Variants in TNK2 observed in about 807,000 individuals in gnomAD.
TNK2 encodes activated CDC42 kinase 1.
In TNK2, 83 loss-of-function variants were observed where a neutral mutation model predicts 101.8. The observed-to-expected ratio is 0.82, with a 90% CI of 0.68 to 0.98. The LOEUF (loss-of-function observed/expected upper bound fraction) is 0.98, where lower values mean the gene tolerates loss of function less well. Ranked by LOEUF, TNK2 falls within the 50% of genes least tolerant of loss-of-function variation. The probability of loss-of-function intolerance (pLI) is 0.00; values close to 1 mark genes in which losing one functional copy is unlikely to be tolerated. For missense variants in TNK2, 1,665 were observed against 1,483.2 expected (o/e 1.12, Z -2.01); for synonymous variants, 804 against 633.0 (o/e 1.27, Z -4.06).
At chr3:195,904,262 TAA>T (rs35186478) in intron 1 of TNK2, among the ~76,000 whole-genome samples, 104 of 125,146 alleles carry the variant, frequency 8.3e-4, no homozygotes, top group Middle Eastern at 4.1e-3. Context: ...ACCTTGTCTT[TAA>T]AAAAAAAAAA....
chr3:195,880,387 AC>A lies in TNK2; in HGVS notation c.888-1213del, dbSNP rs200417022. ...CCCACAGAAATGCCCCTTGGAGAGG[AC>A]ACAGCATCTATCCCTGTAACACCCC... On this transcript the variant is annotated intron_variant, in intron 6 of 15. Coordinates refer to ENST00000672887, the MANE Select transcript of TNK2 (RefSeq NM_001382273.1). Among the ~76,000 whole-genome samples, 1,048 of 137,652 alleles carry A rather than the reference AC, an allele frequency of 7.6e-3. 1 individual carries two copies. The highest frequency in any genetic ancestry group is 0.012 in the Non-Finnish European group (724 of 61,588). The allele number at this position is 137,652 out of a possible 152,430, so 90.3% of individuals were successfully genotyped here.
Position 195,884,831 on chromosome 3 carries a change from T to G in TNK2, c.437A>C (p.Asp146Ala), listed in dbSNP as rs772523917. Residue 146 changes from aspartate (D) to alanine (A), a missense_variant, in exon 4 of 16, where the codon GAC becomes GCC. Physicochemically the swap from Asp to Ala is moderately radical, Grantham distance 126 (BLOSUM62 -2). Coordinates refer to ENST00000672887, the MANE Select transcript of TNK2 (RefSeq NM_001382273.1). ...SFGVVRRGEW[D>A]APSGKTVSVA... Reference sequence around the variant, plus strand: ...GCTCACCGTCTTCCCTGAGGGCGCGTCCCACTCGCCCCTGCGCACCACGCC... The same window carrying G: ...GCTCACCGTCTTCCCTGAGGGCGCGGCCCACTCGCCCCTGCGCACCACGCC... 6.2e-7 allele frequency: 1 copy of G among 1,611,956 alleles called. No homozygotes were observed. The highest frequency in any genetic ancestry group is 1.1e-5 in the South Asian group (1 of 90,894).
chr3:195,888,311 C>A lies in TNK2; in HGVS notation c.163+115G>T. ...TCAGCACCTACTGATGTCCCTCCTG[C>A]TCCCTCAGGGCTCTGGGACAGAGTT... On this transcript the variant is annotated intron_variant, in intron 2 of 15. Coordinates refer to ENST00000672887, the MANE Select transcript of TNK2 (RefSeq NM_001382273.1). The surrounding 1 kb of genome is among the most constrained non-coding windows in gnomAD (Gnocchi z 5.3). 1 of 1,135,522 alleles carries A rather than the reference C, an allele frequency of 8.8e-7. No individual in the cohort carries two copies. Among genetic ancestry groups the A allele is most frequent in the South Asian group, 1.5e-5 (1 of 68,354 alleles). The allele number at this position is 1,135,522 out of a possible 1,614,324, so 70.3% of individuals were successfully genotyped here. A position where few individuals can be genotyped will look rare whatever the true frequency, so the allele number is the denominator to read the frequency against.
rs1274277715 is a variant in TNK2 at position 195,864,081 on chromosome 3, C to T, written c.*100G>A. 1.5e-5 allele frequency: 23 copies of T among 1,526,226 alleles called. No individual in the cohort carries two copies. Among genetic ancestry groups the T allele is most frequent in the African/African-American group, 1.4e-4 (10 of 72,840 alleles). 94.5% of individuals were successfully genotyped at this position (1,526,226 alleles called of 1,614,324 possible). ...CCATCCCCGGGAGCAGCAGGAGCAG[C>T]GGGTCCTCCAGGACTGGATGGGGGC... On this transcript the variant is annotated 3_prime_UTR_variant, in exon 16 of 16. Transcript: ENST00000672887.
At chr3:195,907,767 C>A (rs1371082715) in intron 1 of TNK2, among the ~76,000 whole-genome samples, 1 of 152,224 alleles carries the variant, frequency 6.6e-6, no homozygotes, top group Non-Finnish European at 1.5e-5. Flanking sequence ...AGCGGCCCAT[C>A]TGCAAACCTC....
rs749219777 is a variant in TNK2 at position 195,868,257 on chromosome 3, C to T, written c.2041G>A (p.Gly681Ser). 13 of 1,604,662 alleles carry T rather than the reference C, an allele frequency of 8.1e-6. No individual in the cohort carries two copies. The Admixed American group carries it at 2.2e-4, about 27-fold the overall frequency. The change falls in exon 13 of 16, where the codon GGC becomes AGC. Residue 681 changes from glycine to serine, a missense_variant. Coordinates refer to ENST00000672887, the MANE Select transcript of TNK2 (RefSeq NM_001382273.1). The part of the protein sequence containing the change: ...GAGVPAGPSQ[G>S]QTNYAFVPEQ... ...GGCACAAAGGCGTAGTTGGTCTGGC[C>T]CTGGCTGGGCCCGGCAGGGACCCCC...
At chr3:195,873,621 C>G (rs949605506) in intron 9 of TNK2, among the ~76,000 whole-genome samples, 2 of 152,216 alleles carry the variant, frequency 1.3e-5, no homozygotes, top group African/African-American at 4.8e-5. Flanking sequence ...CCCCACTTCT[C>G]CTGTCCCAGG....
chr3:195,865,309 G>A (rs1175801609), intron 15 of TNK2, among the ~76,000 whole-genome samples: 2 of 143,108 alleles, frequency 1.4e-5, no homozygotes, highest in Non-Finnish European at 3.0e-5. Context: ...AACCACCCGA[G>A]ACAGTGACAG....
Position 195,908,120 on chromosome 3 carries a change from T to C in TNK2, c.-19+365A>G, listed in dbSNP as rs971887766. On this transcript the variant is annotated intron_variant, in intron 1 of 15. Transcript: ENST00000672887. ...GTGTTTTGAGGACTTGTGTGTTGAC[T>C]GCACCATGCAGAGCATATAGCATGG... The C allele has an allele frequency of 2.0e-5, 3 of 152,400 alleles. No homozygotes were observed. The East Asian group carries it at 5.8e-4, about 29-fold the overall frequency. The allele number at this position is 152,400 out of a possible 1,614,324, so 9.4% of individuals were successfully genotyped here.
At chr3:195,876,514 G>GA (rs1749382547) in intron 9 of TNK2, 1 of 456,702 alleles carries the variant, frequency 2.2e-6, no homozygotes, top group African/African-American at 2.0e-5. Flanking sequence ...AGGGACTGAA[G>GA]AAACAAGGGG....
At chr3:195,869,620 G>C (rs1352463576) in intron 11 of TNK2, 79 bp from the exon 12 acceptor site, 2 of 1,392,942 alleles carry the variant, frequency 1.4e-6, no homozygotes, top group African/African-American at 3.1e-5. Context: ...CCGGACGAGA[G>C]GGCAGAGTGT....
Position 195,870,198 on chromosome 3 carries a change from G to A in TNK2, c.1459C>T (p.Leu487=), listed in dbSNP as rs757976204. Residue 487 remains leucine (L), a synonymous_variant, in exon 11 of 16, where the codon CTG becomes TTG. Transcript: ENST00000672887. ...GFPDRIDELY[L]GNPMDPPDLL... ...TCGGGGGGGTCCATGGGGTTTCCCA[G>A]ATACAGTCTGTGGGGGAGAGAGCTG... is the stretch of plus-strand genomic sequence containing the variant. 6 of 1,583,480 alleles carry A rather than the reference G, an allele frequency of 3.8e-6. No individual in the cohort carries two copies. The highest frequency in any genetic ancestry group is 5.2e-6 in the Non-Finnish European group (6 of 1,163,092).
intron 1 of TNK2, among the ~76,000 whole-genome samples, chr3:195,891,664 C>G (rs9854951): frequency 0.2 from 30,131 of 152,098 alleles, 3,189 homozygotes; most frequent in Non-Finnish European, 0.24. Context: ...TGACCCCCCC[C>G]CTCCAGGGCT....
Position 195,867,235 on chromosome 3 carries a change from T to C in TNK2, c.2967A>G (p.Thr989=), listed in dbSNP as rs950911827. The part of the protein sequence containing the change: ...MLQAMVHGVT[T]EECQAALQCH... ...ACTGCAGGGCCGCCTGGCACTCCTC[T>C]GTGGTCACCCCATGCACCATGGCCT... Residue 989 remains threonine (T), a synonymous_variant, in exon 14 of 16, where the codon ACA becomes ACG. Coordinates refer to ENST00000672887, the MANE Select transcript of TNK2 (RefSeq NM_001382273.1). 5 of 1,612,954 alleles carry C rather than the reference T, an allele frequency of 3.1e-6. No homozygotes were observed. Among genetic ancestry groups the C allele is most frequent in the Non-Finnish European group, 4.2e-6 (5 of 1,179,880 alleles).
chr3:195,866,764 A>T, intron 15 of TNK2, 125 bp downstream of exon 15: 1 of 1,381,458 alleles, frequency 7.2e-7, no homozygotes, highest in East Asian at 2.5e-5. Context: ...TCCCTCCCGC[A>T]GCTGGAGAGC....
rs35572141 is a variant in TNK2 at position 195,887,835 on chromosome 3, CGTGTGTGT to C, written c.163+583_163+590del. Among the ~76,000 whole-genome samples, 8 of 145,944 alleles carry C rather than the reference CGTGTGTGT, an allele frequency of 5.5e-5. No homozygotes were observed. In the South Asian group the frequency reaches 1.5e-3, roughly 28 times the overall value. ...GTGTGCATGCGGGTGTGCGCACACA[CGTGTGTGT>C]GTGTGTGCGTGTCTGTGTGCGCAGG... On this transcript the variant is annotated intron_variant, in intron 2 of 15. Coordinates refer to ENST00000672887, the MANE Select transcript of TNK2 (RefSeq NM_001382273.1).
intron 9 of TNK2, among the ~76,000 whole-genome samples, chr3:195,877,725 G>A (rs1019895515): frequency 3.3e-5 from 5 of 152,264 alleles, no homozygotes; most frequent in South Asian, 2.1e-4. Flanking sequence ...TGGGAGGAGG[G>A]TTAGGTATAG....
intron 12 of TNK2, 162 bp from the exon 13 acceptor site, chr3:195,868,871 G>A (rs1054123208): frequency 8.9e-5 from 71 of 795,308 alleles, no homozygotes; most frequent in South Asian, 8.3e-4. Context: ...GGTTCTCAGC[G>A]CACCTCCGAC....
intron 9 of TNK2, among the ~76,000 whole-genome samples, chr3:195,873,449 T>C (rs185593095): frequency 1.0e-5 from 1 of 100,426 alleles, no homozygotes; most frequent in Admixed American, 1.1e-4. Context: ...CCGTGGGCAG[T>C]GTCTGGGCAG....
Sources: allele counts gnomAD v4.1 joint callset (sites outside exome capture counted in the v4.1 genomes callset), GRCh38; gene constraint gnomAD v4.1.1; non-coding constraint Gnocchi (gnomAD v3.1); transcripts MANE v1.5; gene names NCBI Gene and HGNC (gene_info 2026-07-23, HGNC 2026-07-21).